BTRC: variants seen among roughly 807,000 people sequenced by gnomAD.
BTRC encodes F-box/WD repeat-containing protein 1A.
BTRC carries 42 observed loss-of-function variants against 85.5 expected under a neutral mutation model. That is an observed-to-expected ratio of 0.49 (90% CI 0.38 to 0.64). The LOEUF is 0.64. Ranked by LOEUF, BTRC falls within the 30% of genes least tolerant of loss-of-function variation. The pLI is 0.00. For synonymous variants in BTRC, 255 were observed against 263.3 expected, an observed-to-expected ratio of 0.97 and a Z score of 0.30; for missense variants, 594 against 743.5, an observed-to-expected ratio of 0.80 and a Z score of 2.34.
At chr10:101,496,446 C>T (rs1241340470) in intron 4 of BTRC, among the ~76,000 whole-genome samples, 1 of 152,164 alleles carries the variant, frequency 6.6e-6, no homozygotes, top group Non-Finnish European at 1.5e-5. Context: ...GGCATGGCTT[C>T]ACTCTGTCAC....
At chr10:101,356,541 A>G (rs1463744585) in intron 1 of BTRC, among the ~76,000 whole-genome samples, 4 of 152,224 alleles carry the variant, frequency 2.6e-5, no homozygotes, top group Admixed American at 2.6e-4. Flanking sequence ...CTTTTAGAGC[A>G]CCACACATTA....
At position 101,535,340 on chromosome 10, in the gene BTRC, A is replaced by G. The variant is rs1402418059; in HGVS notation, c.1348-14A>G. ...AGCACCAAATCAACTGCTCAATGCCATTTTCTTTTTCAGGTATGGAACACA... is the reference window on the plus strand; with the variant it reads ...AGCACCAAATCAACTGCTCAATGCCGTTTTCTTTTTCAGGTATGGAACACA... On this transcript the variant is annotated splice_polypyrimidine_tract_variant and intron_variant, in intron 10 of 14. Transcript: ENST00000370187. The G allele has an allele frequency of 6.3e-7, 1 of 1,599,724 alleles. No homozygotes were observed. Among genetic ancestry groups the G allele is most frequent in the African/African-American group, 1.3e-5 (1 of 74,702 alleles).
chr10:101,465,469 A>T (rs1276356572), intron 3 of BTRC, among the ~76,000 whole-genome samples: 1 of 152,246 alleles, frequency 6.6e-6, no homozygotes, highest in Non-Finnish European at 1.5e-5. Context: ...TGAAAAATAC[A>T]ACTTACCAAA....
chr10:101,414,550 A>C, intron 1 of BTRC: 1 of 455,820 alleles, frequency 2.2e-6, no homozygotes, highest in Non-Finnish European at 4.3e-6. Context: ...TATTAAAAAA[A>C]ATTAACTGTA....
chr10:101,458,890 T>C (rs989586717), intron 2 of BTRC, among the ~76,000 whole-genome samples: 5 of 152,196 alleles, frequency 3.3e-5, no homozygotes, highest in Non-Finnish European at 7.4e-5. Flanking sequence ...ATCAAGTATC[T>C]TATAGAAAAA....
chr10:101,451,817 T>A (rs1564781356), intron 2 of BTRC, among the ~76,000 whole-genome samples: 1 of 152,032 alleles, frequency 6.6e-6, no homozygotes, highest in Non-Finnish European at 1.5e-5. Flanking sequence ...GATGAATGGA[T>A]GGGAAGATGG....
intron 12 of BTRC, 74 bp from the exon 13 acceptor site, chr10:101,538,219 A>G: frequency 8.1e-7 from 1 of 1,229,194 alleles, no homozygotes; most frequent in Non-Finnish European, 1.2e-6. Flanking sequence ...ATTGCCATGA[A>G]TTTCTGCTAT....
intron 1 of BTRC, among the ~76,000 whole-genome samples, chr10:101,378,843 A>T (rs573354613): frequency 1.3e-5 from 2 of 152,094 alleles, no homozygotes; most frequent in Non-Finnish European, 2.9e-5. Flanking sequence ...TCCATGGGAA[A>T]ACATCCGCTT....
At chr10:101,427,014 A>C (rs977196443) in intron 1 of BTRC, among the ~76,000 whole-genome samples, 4 of 151,542 alleles carry the variant, frequency 2.6e-5, no homozygotes. Context: ...TCTCAGATTC[A>C]ATCTTTCCTT....
chr10:101,414,626 C>T (rs544925965), intron 1 of BTRC: 3 of 516,270 alleles, frequency 5.8e-6, no homozygotes, highest in African/African-American at 3.9e-5. Flanking sequence ...TAGGAGATGA[C>T]AGGTCCATAG....
intron 1 of BTRC, among the ~76,000 whole-genome samples, chr10:101,394,981 A>G (rs1027877066): frequency 1.3e-5 from 2 of 152,210 alleles, no homozygotes. Flanking sequence ...TCCTGTCAAC[A>G]TGCATCACAA....
intron 1 of BTRC, among the ~76,000 whole-genome samples, chr10:101,416,543 C>T (rs537169461): frequency 6.6e-6 from 1 of 152,078 alleles, no homozygotes; most frequent in African/African-American, 2.4e-5. Flanking sequence ...AATTGAAAGC[C>T]TGAGTTGTTG....
chr10:101,397,649 A>T (rs1564747128), intron 1 of BTRC, among the ~76,000 whole-genome samples: 2 of 152,192 alleles, frequency 1.3e-5, no homozygotes, highest in Non-Finnish European at 2.9e-5. Context: ...ATTGAAAATG[A>T]CTTTTAAAAA....
chr10:101,412,815 C>T (rs921344196), intron 1 of BTRC, among the ~76,000 whole-genome samples: 5 of 152,096 alleles, frequency 3.3e-5, no homozygotes, highest in African/African-American at 9.7e-5. Flanking sequence ...GGTCTGTTGG[C>T]GATTAAGTTT....
intron 1 of BTRC, among the ~76,000 whole-genome samples, chr10:101,409,405 AT>A (rs1347590534): frequency 1.3e-5 from 2 of 152,170 alleles, no homozygotes; most frequent in Non-Finnish European, 2.9e-5. Flanking sequence ...TTAGTAGTTT[AT>A]TTTTATGGCT....
intron 1 of BTRC, among the ~76,000 whole-genome samples, chr10:101,417,477 G>A (rs1047792055): frequency 4.6e-5 from 7 of 152,150 alleles, no homozygotes; most frequent in Non-Finnish European, 8.8e-5. Flanking sequence ...TTATTGAATA[G>A]TATCAGGTGA....
At chr10:101,381,960 G>GTTT (rs1942940313) in intron 1 of BTRC, among the ~76,000 whole-genome samples, 1 of 78,458 alleles carries the variant, frequency 1.3e-5, no homozygotes, top group African/African-American at 6.5e-5. Flanking sequence ...TCCTAAGAAT[G>GTTT]TCTTTTTTTT....
At chr10:101,365,262 G>A (rs949205935) in intron 1 of BTRC, among the ~76,000 whole-genome samples, 4 of 150,758 alleles carry the variant, frequency 2.7e-5, no homozygotes, top group African/African-American at 9.7e-5. Context: ...TAGTAGAGAT[G>A]GGGTTTCTCC....
At chr10:101,514,162 T>A (rs1462192311) in intron 4 of BTRC, among the ~76,000 whole-genome samples, 1 of 152,190 alleles carries the variant, frequency 6.6e-6, no homozygotes, top group African/African-American at 2.4e-5. Flanking sequence ...TCTTTATAGA[T>A]GCTGGATACA....
Sources: allele counts gnomAD v4.1 joint callset (sites outside exome capture counted in the v4.1 genomes callset), GRCh38; gene constraint gnomAD v4.1.1; transcripts MANE v1.5; gene names NCBI Gene and HGNC (gene_info 2026-07-23, HGNC 2026-07-21).